The following ARF1 variants were observed in gnomAD, a reference collection of about 807,000 sequenced individuals.
ARF1 encodes the protein ARF GTPase 1.
ARF1 carries 1 observed loss-of-function variant against 18.0 expected under a neutral mutation model. The observed-to-expected ratio is 0.06, with a 90% confidence interval of 0.02 to 0.26. The LOEUF (loss-of-function observed/expected upper bound fraction) is 0.26, where lower values mean the gene tolerates loss of function less well. Among genes scored for constraint, ARF1 ranks in the 10% least tolerant of loss-of-function variants. The pLI, the probability that ARF1 is intolerant of heterozygous loss-of-function variation, is 1.00. For synonymous variants in ARF1, 112 were observed against 96.3 expected, an observed-to-expected ratio of 1.16 and a Z score of -0.95; for missense variants, 73 against 247.2, an observed-to-expected ratio of 0.30 and a Z score of 4.73.
intron 1 of ARF1, among the ~76,000 whole-genome samples, chr1:228,090,278 A>G (rs2032536355): frequency 6.6e-6 from 1 of 152,120 alleles, no homozygotes. Context: ...GGACTGGGCC[A>G]TGATCCAGGG....
intron 1 of ARF1, among the ~76,000 whole-genome samples, chr1:228,092,264 G>A (rs1292667271): frequency 6.6e-6 from 1 of 152,134 alleles, no homozygotes; most frequent in African/African-American, 2.4e-5. Context: ...GCCTGGGCAG[G>A]ATAGCGAGAC....
At chr1:228,092,729 G>T (rs1571840177) in intron 1 of ARF1, among the ~76,000 whole-genome samples, 1 of 152,318 alleles carries the variant, frequency 6.6e-6, no homozygotes, top group East Asian at 1.9e-4. Flanking sequence ...CCTGAGATCT[G>T]CAAGGGACCG....
rs1234936407 is a variant in ARF1 at position 228,097,339 on chromosome 1, C to T, written c.149-3C>T. On this transcript the variant is annotated splice_region_variant and splice_polypyrimidine_tract_variant and intron_variant, in intron 2 of 4. Transcript: ENST00000272102. The surrounding 1 kb of genome is among the most constrained non-coding windows in gnomAD (Gnocchi z 8.1). ...AAGGCCTCACCCTGCATCCCGCACC[C>T]AGGCTTCAACGTGGAAACCGTGGAG... 3 of 1,613,742 alleles carry T rather than the reference C, an allele frequency of 1.9e-6. No homozygotes were observed. The highest frequency in any genetic ancestry group is 3.3e-5 in the Admixed American group (2 of 60,014).
intron 1 of ARF1, among the ~76,000 whole-genome samples, chr1:228,085,458 T>A (rs1179521147): frequency 6.6e-6 from 1 of 152,164 alleles, no homozygotes; most frequent in Non-Finnish European, 1.5e-5. Context: ...GGCTCTCAGG[T>A]CCTCCCCCAG....
In ARF1 at chr1:228,098,324, G is replaced by A. The variant is rs549568902; in HGVS notation, c.*311G>A. 1.4e-4 allele frequency: 33 copies of A among 228,132 alleles called. No individual in the cohort carries two copies. In the South Asian group the frequency reaches 4.2e-3, roughly 29 times the overall value. The allele number at this position is 228,132 out of a possible 1,614,324, so 14.1% of individuals were successfully genotyped here. ...TAGGCCCATGGGCACCTGGCCTCCA[G>A]GAGTCGCTGTGTTGGGAGAGCCGGC... On this transcript the variant is annotated 3_prime_UTR_variant, in exon 5 of 5. Transcript: ENST00000272102.
intron 1 of ARF1, among the ~76,000 whole-genome samples, chr1:228,083,858 A>T (rs1464366334): frequency 2.6e-5 from 4 of 152,204 alleles, no homozygotes; most frequent in African/African-American, 7.2e-5. Flanking sequence ...GCAGGAATTG[A>T]GCAGAAATGC....
At chr1:228,085,744 C>T (rs1383113077) in intron 1 of ARF1, among the ~76,000 whole-genome samples, 1 of 152,236 alleles carries the variant, frequency 6.6e-6, no homozygotes, top group Non-Finnish European at 1.5e-5. Context: ...AGAAGGCAGA[C>T]ATTCTCCCAC....
At chr1:228,087,655 A>G (rs1264259441) in intron 1 of ARF1, among the ~76,000 whole-genome samples, 1 of 152,110 alleles carries the variant, frequency 6.6e-6, no homozygotes, top group African/African-American at 2.4e-5. Flanking sequence ...AAAAAAATTT[A>G]TACCTACTCA....
At position 228,097,135 on chromosome 1, in the gene ARF1, C is replaced by T. The variant is rs1281822010; in HGVS notation, c.21C>T (p.Asn7=). Residue 7 remains asparagine (N), a synonymous_variant, in exon 2 of 5, where the codon AAC becomes AAT. Coordinates refer to ENST00000272102, the MANE Select transcript of ARF1 (RefSeq NM_001658.4). This position sits in a 1 kb window ranked among gnomAD's most constrained non-coding sequence, Gnocchi z 8.1. MGNIFA[N]LFKGLFGKKE... Reference sequence around the variant, plus strand: ...CAAGCATGGGGAACATCTTCGCCAACCTCTTCAAGGGCCTTTTTGGCAAAA... The same window carrying T: ...CAAGCATGGGGAACATCTTCGCCAATCTCTTCAAGGGCCTTTTTGGCAAAA... The T allele has an allele frequency of 3.7e-6, 6 of 1,609,478 alleles. No individual in the cohort carries two copies. Among genetic ancestry groups the T allele is most frequent in the African/African-American group, 1.3e-5 (1 of 74,884 alleles).
chr1:228,092,959 C>G (rs2032620007), intron 1 of ARF1, among the ~76,000 whole-genome samples: 1 of 152,184 alleles, frequency 6.6e-6, no homozygotes, highest in African/African-American at 2.4e-5. Flanking sequence ...TGAAGGCCAC[C>G]TTTACCATTG....
chr1:228,096,439 G>A (rs555175462), intron 1 of ARF1: 1 of 152,308 alleles, frequency 6.6e-6, no homozygotes, highest in Non-Finnish European at 1.5e-5. Flanking sequence ...AACAACTTCA[G>A]TGTCCTCACA....
In ARF1 at chr1:228,098,154, A is replaced by G; in HGVS notation, c.*141A>G. 1 of 1,031,368 alleles carries G rather than the reference A, an allele frequency of 9.7e-7. No individual in the cohort carries two copies. The highest frequency in any genetic ancestry group is 1.4e-6 in the Non-Finnish European group (1 of 740,042). The allele number at this position is 1,031,368 out of a possible 1,614,324, so 63.9% of individuals were successfully genotyped here. On this transcript the variant is annotated 3_prime_UTR_variant, in exon 5 of 5. Coordinates refer to ENST00000272102, the MANE Select transcript of ARF1 (RefSeq NM_001658.4). Reference sequence around the variant, plus strand: ...TCGCACCGTGCTGTAAATGTGGCAGACGCAGCCTGCGGCCAGGCTTTTTAT... The same window carrying G: ...TCGCACCGTGCTGTAAATGTGGCAGGCGCAGCCTGCGGCCAGGCTTTTTAT...
intron 1 of ARF1, among the ~76,000 whole-genome samples, chr1:228,088,521 GA>G (rs950943555): frequency 1.1e-4 from 16 of 151,862 alleles, no homozygotes; most frequent in Non-Finnish European, 1.9e-4. Flanking sequence ...TTATAAATAT[GA>G]AAAAAAAATT....
chr1:228,097,754 G>A lies in ARF1; in HGVS notation c.384+39G>A, dbSNP rs746936604. On this transcript the variant is annotated intron_variant, in intron 4 of 4. Coordinates refer to ENST00000272102, the MANE Select transcript of ARF1 (RefSeq NM_001658.4). The surrounding 1 kb of genome is among the most constrained non-coding windows in gnomAD (Gnocchi z 8.1). ...CCAGCCTGGGGAATGTGAGGAGCCAGTGTGGGTTCCGCCTGGTGGTAGGGG... is the reference window on the plus strand; with the variant it reads ...CCAGCCTGGGGAATGTGAGGAGCCAATGTGGGTTCCGCCTGGTGGTAGGGG... 9.4e-6 allele frequency: 15 copies of A among 1,592,748 alleles called. No homozygotes were observed. Among genetic ancestry groups the A allele is most frequent in the Admixed American group, 1.7e-5 (1 of 58,618 alleles).
At chr1:228,095,827 A>G (rs2032726858) in intron 1 of ARF1, among the ~76,000 whole-genome samples, 2 of 152,192 alleles carry the variant, frequency 1.3e-5, no homozygotes, top group Non-Finnish European at 2.9e-5. Flanking sequence ...TCTGTGCTCC[A>G]TGGGTGGTGG....
chr1:228,086,515 CAAA>C (rs796644449), intron 1 of ARF1, among the ~76,000 whole-genome samples: 3 of 92,820 alleles, frequency 3.2e-5, no homozygotes, highest in Non-Finnish European at 2.2e-5. Context: ...GACTTTGTCT[CAAA>C]AAAAAAAAAA....
At position 228,098,227 on chromosome 1, in the gene ARF1, T is replaced by A; in HGVS notation, c.*214T>A. ...CCAATGAGGCAGTTTCTGGTACTCC[T>A]ATGCAATATTACTCAGCTTTTTTTA... On this transcript the variant is annotated 3_prime_UTR_variant, in exon 5 of 5. Coordinates refer to ENST00000272102, the MANE Select transcript of ARF1 (RefSeq NM_001658.4). The A allele has an allele frequency of 1.9e-6, 1 of 515,754 alleles. No individual in the cohort carries two copies. The highest frequency in any genetic ancestry group is 3.3e-6 in the Non-Finnish European group (1 of 300,888). 31.9% of individuals were successfully genotyped at this position (515,754 alleles called of 1,614,324 possible). A position where few individuals can be genotyped will look rare whatever the true frequency, so the allele number is the denominator to read the frequency against.
At position 228,082,948 on chromosome 1, in the gene ARF1, G is replaced by T; in HGVS notation, c.-38+183G>T. 1 of 152,672 alleles carries T rather than the reference G, an allele frequency of 6.5e-6. No individual in the cohort carries two copies. Among genetic ancestry groups the T allele is most frequent in the South Asian group, 1.9e-4 (1 of 5,222 alleles). The allele number at this position is 152,672 out of a possible 1,614,324, so 9.5% of individuals were successfully genotyped here. A position where few individuals can be genotyped will look rare whatever the true frequency, so the allele number is the denominator to read the frequency against. On this transcript the variant is annotated intron_variant, in intron 1 of 4. Coordinates refer to ENST00000272102, the MANE Select transcript of ARF1 (RefSeq NM_001658.4). This position sits in a 1 kb window ranked among gnomAD's most constrained non-coding sequence, Gnocchi z 6.1. ...CCGGGCTGAGGCTGGGGCCCGGCCG[G>T]AGTCGGGGCTGGGCGGACGGGCGGG... is the stretch of plus-strand genomic sequence containing the variant.
At chr1:228,092,896 T>G (rs1320433995) in intron 1 of ARF1, among the ~76,000 whole-genome samples, 7 of 152,150 alleles carry the variant, frequency 4.6e-5, no homozygotes. Context: ...CACAGTGAGG[T>G]GTCGGGGAAT....
Sources: gnomAD v4.1 joint callset for allele counts (sites outside exome capture counted in the v4.1 genomes callset) on GRCh38, gnomAD v4.1.1 for gene constraint, Gnocchi (gnomAD v3.1) non-coding constraint, MANE v1.5 for transcripts, NCBI Gene and HGNC (gene_info 2026-07-23, HGNC 2026-07-21) for gene names.